Variants in EPHX2 observed in about 807,000 individuals in gnomAD.
EPHX2 encodes the protein bifunctional epoxide hydrolase 2.
A neutral mutation model predicts 78.7 loss-of-function variants in EPHX2; 74 were observed. The observed-to-expected ratio is 0.94, with a 90% confidence interval of 0.78 to 1.14. The LOEUF (loss-of-function observed/expected upper bound fraction) is 1.14, where lower values mean the gene tolerates loss of function less well. Among genes scored for constraint, EPHX2 ranks in the 50% most tolerant of loss-of-function variants. The probability of loss-of-function intolerance (pLI) is 0.00; values close to 1 mark genes in which losing one functional copy is unlikely to be tolerated. For synonymous variants in EPHX2, 251 were observed against 255.2 expected, an observed-to-expected ratio of 0.98 and a Z score of 0.16; for missense variants, 715 against 702.5, an observed-to-expected ratio of 1.02 and a Z score of -0.20.
intron 1 of EPHX2, among the ~76,000 whole-genome samples, chr8:27,492,142 G>T (rs977327859): frequency 6.6e-6 from 1 of 152,180 alleles, no homozygotes; most frequent in Non-Finnish European, 1.5e-5. Flanking sequence ...AAATCACATA[G>T]CTGTTAAAGA....
intron 5 of EPHX2, among the ~76,000 whole-genome samples, chr8:27,509,601 T>TCTGCCCCC (rs1352347279): frequency 6.6e-6 from 1 of 152,122 alleles, no homozygotes; most frequent in Admixed American, 6.5e-5. Flanking sequence ...CCCATGTTGA[T>TCTGCCCCC]CAGGCTGGTC....
chr8:27,491,883 T>C lies in EPHX2; in HGVS notation c.101+574T>C, dbSNP rs181862266. Among the ~76,000 whole-genome samples the C allele has an allele frequency of 2.6e-5, 4 of 152,098 alleles. No homozygotes were observed. The East Asian group carries it at 7.7e-4, about 29-fold the overall frequency. On this transcript the variant is annotated intron_variant, in intron 1 of 18. Transcript: ENST00000521400. The stretch of plus-strand genomic sequence containing the variant: ...CATGCAGAAAAGTGCCTGAAAGAAA[T>C]AGGCCAAAGTACATCAAATGAGATT...
chr8:27,534,292 C>T (rs992318513), intron 12 of EPHX2, among the ~76,000 whole-genome samples: 2 of 152,212 alleles, frequency 1.3e-5, no homozygotes, highest in African/African-American at 4.8e-5. Flanking sequence ...TCAATGTCTC[C>T]ATTCTTCTGT....
intron 6 of EPHX2, among the ~76,000 whole-genome samples, chr8:27,515,039 C>T (rs1336663779): frequency 6.6e-6 from 1 of 152,118 alleles, no homozygotes; most frequent in Non-Finnish European, 1.5e-5. Flanking sequence ...CTCCAAACAG[C>T]CTGTGCACTG....
intron 1 of EPHX2, among the ~76,000 whole-genome samples, chr8:27,497,051 G>C (rs764538307): frequency 5.9e-5 from 9 of 152,202 alleles, no homozygotes; most frequent in Non-Finnish European, 1.2e-4. Flanking sequence ...GCTGTCCCAG[G>C]ATTCCTTGGA....
intron 3 of EPHX2, 114 bp downstream of exon 3, chr8:27,503,877 G>T: frequency 7.5e-7 from 1 of 1,325,896 alleles, no homozygotes; most frequent in Non-Finnish European, 1.0e-6. Context: ...AGCCACGATG[G>T]AAAGCCTCTT....
Position 27,522,411 on chromosome 8 carries a change from T to G in EPHX2, c.973-12T>G. Reference sequence around the variant, plus strand: ...CTCCCCACATTCGGCTCCCTTCTTTTTCCTTCTCTAGGGCCTCTCTCAAGC... The same window carrying G: ...CTCCCCACATTCGGCTCCCTTCTTTGTCCTTCTCTAGGGCCTCTCTCAAGC... On this transcript the variant is annotated splice_polypyrimidine_tract_variant and intron_variant, in intron 10 of 18. Coordinates refer to ENST00000521400, the MANE Select transcript of EPHX2 (RefSeq NM_001979.6). 1.2e-6 allele frequency: 2 copies of G among 1,613,364 alleles called. No individual in the cohort carries two copies. Among genetic ancestry groups the G allele is most frequent in the Non-Finnish European group, 1.7e-6 (2 of 1,179,690 alleles).
At chr8:27,525,316 C>G in intron 11 of EPHX2, 46 bp from the exon 12 acceptor site, 1 of 1,552,420 alleles carries the variant, frequency 6.4e-7, no homozygotes, top group Non-Finnish European at 8.9e-7. Flanking sequence ...TCTTGTAAGA[C>G]TGTCTTCTTA....
At chr8:27,526,241 T>C (rs1376726717) in intron 12 of EPHX2, among the ~76,000 whole-genome samples, 1 of 152,240 alleles carries the variant, frequency 6.6e-6, no homozygotes, top group Non-Finnish European at 1.5e-5. Flanking sequence ...CATCCCAGTT[T>C]CGATTCAACG....
At chr8:27,512,872 G>A (rs563268075) in intron 6 of EPHX2, among the ~76,000 whole-genome samples, 1 of 152,192 alleles carries the variant, frequency 6.6e-6, no homozygotes, top group Non-Finnish European at 1.5e-5. Flanking sequence ...ATTTCTGTGA[G>A]AATTAAATGA....
chr8:27,521,306 A>G (rs1474765016), intron 10 of EPHX2, among the ~76,000 whole-genome samples: 4 of 152,244 alleles, frequency 2.6e-5, no homozygotes, highest in East Asian at 1.9e-4. Flanking sequence ...GTCAAACTCA[A>G]TGATACCAAA....
At chr8:27,539,289 A>G (rs1321808178) in intron 14 of EPHX2, 1 of 152,540 alleles carries the variant, frequency 6.6e-6, no homozygotes, top group African/African-American at 2.4e-5. Flanking sequence ...TTTATGAATA[A>G]TGATGACCAC....
chr8:27,504,842 T>G (rs1331643227), intron 3 of EPHX2, 114 bp from the exon 4 acceptor site: 2 of 1,079,746 alleles, frequency 1.9e-6, no homozygotes, highest in Non-Finnish European at 2.7e-6. Context: ...CATAAGAGAT[T>G]AATAAAAGTG....
At chr8:27,511,371 G>A (rs972820377) in intron 5 of EPHX2, among the ~76,000 whole-genome samples, 32 of 152,226 alleles carry the variant, frequency 2.1e-4, no homozygotes, top group African/African-American at 6.5e-4. Flanking sequence ...AAATTCTCTC[G>A]CTTAGAGCAA....
intron 15 of EPHX2, among the ~76,000 whole-genome samples, chr8:27,541,037 A>G (rs1257087722): frequency 2.0e-5 from 3 of 152,176 alleles, no homozygotes; most frequent in Non-Finnish European, 4.4e-5. Flanking sequence ...TCCTGATGTC[A>G]TATTAGGAGG....
At chr8:27,517,592 A>C (rs943880921) in intron 8 of EPHX2, among the ~76,000 whole-genome samples, 1 of 152,374 alleles carries the variant, frequency 6.6e-6, no homozygotes, top group Middle Eastern at 3.4e-3. Flanking sequence ...GTTGATCCAC[A>C]TGTATGTGGT....
chr8:27,522,328 A>G lies in EPHX2; in HGVS notation c.973-95A>G, dbSNP rs72475884. The G allele has an allele frequency of 1.6e-5, 19 of 1,162,314 alleles. No individual in the cohort carries two copies. The African/African-American group carries it at 2.4e-4, about 15-fold the overall frequency. 72.0% of individuals were successfully genotyped at this position (1,162,314 alleles called of 1,614,324 possible). A position where few individuals can be genotyped will look rare whatever the true frequency, so the allele number is the denominator to read the frequency against. On this transcript the variant is annotated intron_variant, in intron 10 of 18. Coordinates refer to ENST00000521400, the MANE Select transcript of EPHX2 (RefSeq NM_001979.6). ...GAGCTGCTGTGGGTCGGGGGAGGAG[A>G]CCCTGGTGTCGAGGGGCTGGCTGAT...
At chr8:27,508,008 T>C (rs190397156) in intron 5 of EPHX2, among the ~76,000 whole-genome samples, 10 of 152,288 alleles carry the variant, frequency 6.6e-5, no homozygotes, top group African/African-American at 2.2e-4. Context: ...TTCTAAAGTA[T>C]TGGGGGCTAA....
At position 27,522,497 on chromosome 8, in the gene EPHX2, C is replaced by T. The variant is rs187418418; in HGVS notation, c.1047C>T (p.Pro349=). Reference sequence around the variant, plus strand: ...TGTGGTACATGGCTCTCTTCTACCCCGAGAGAGTGAGGTAATTGGGCCTCG... The same window carrying T: ...TGTGGTACATGGCTCTCTTCTACCCTGAGAGAGTGAGGTAATTGGGCCTCG... ...MLVWYMALFY[P]ERVRAVASLN... The change falls in exon 11 of 19, where the codon CCC becomes CCT. Residue 349 remains proline, a synonymous_variant. Transcript: ENST00000521400. The T allele has an allele frequency of 9.9e-6, 16 of 1,613,844 alleles. No homozygotes were observed. Among genetic ancestry groups the T allele is most frequent in the East Asian group, 4.5e-5 (2 of 44,868 alleles).
Sources: gnomAD v4.1 joint callset for allele counts (sites outside exome capture counted in the v4.1 genomes callset) on GRCh38, gnomAD v4.1.1 for gene constraint, MANE v1.5 for transcripts, NCBI Gene and HGNC (gene_info 2026-07-23, HGNC 2026-07-21) for gene names.